The following PDLIM1 variants were observed in gnomAD, a reference collection of about 807,000 sequenced individuals.
The protein encoded by PDLIM1 is PDZ and LIM domain 1.
Under a neutral mutation model 35.2 loss-of-function variants are expected in PDLIM1, and 25 were observed. The ratio of observed to expected loss-of-function variants is 0.71; its 90% CI spans 0.52 to 0.99. The LOEUF is 0.99. PDLIM1 is among the 50% of genes least tolerant of loss of function. PDLIM1 has a pLI of 0.00. For missense variants in PDLIM1, 363 were observed against 415.3 expected, an observed-to-expected ratio of 0.87 and a Z score of 1.09; for synonymous variants, 152 against 154.0, an observed-to-expected ratio of 0.99 and a Z score of 0.10.
chr10:95,240,283 C>T (rs995007002), intron 5 of PDLIM1, among the ~76,000 whole-genome samples: 4 of 152,160 alleles, frequency 2.6e-5, no homozygotes, highest in Non-Finnish European at 4.4e-5. Context: ...AAATGTGGTA[C>T]GTATACACCA....
chr10:95,280,638 A>C (rs949677345), intron 1 of PDLIM1, among the ~76,000 whole-genome samples: 4 of 152,222 alleles, frequency 2.6e-5, no homozygotes, highest in African/African-American at 9.6e-5. Context: ...GTTTTAACCA[A>C]ATATTTGTCA....
intron 5 of PDLIM1, among the ~76,000 whole-genome samples, chr10:95,242,165 A>AG: frequency 6.6e-6 from 1 of 152,208 alleles, no homozygotes; most frequent in South Asian, 2.1e-4. Flanking sequence ...GGGAAGACTC[A>AG]GTTCTGCCCC....
intron 2 of PDLIM1, among the ~76,000 whole-genome samples, chr10:95,269,477 C>G (rs965706426): frequency 6.7e-6 from 1 of 150,176 alleles, no homozygotes; most frequent in African/African-American, 2.5e-5. Context: ...GAGGCTGAGG[C>G]AGGAGACTTG....
chr10:95,262,126 G>C (rs1320682662), intron 4 of PDLIM1, among the ~76,000 whole-genome samples: 1 of 152,104 alleles, frequency 6.6e-6, no homozygotes, highest in African/African-American at 2.4e-5. Flanking sequence ...GGGAGGGGAG[G>C]GGTGACTATA....
intron 2 of PDLIM1, among the ~76,000 whole-genome samples, chr10:95,270,670 T>C (rs1469273574): frequency 6.6e-6 from 1 of 152,208 alleles, no homozygotes; most frequent in Non-Finnish European, 1.5e-5. Context: ...CTGCTGCTAA[T>C]GTGTTCAAGT....
chr10:95,261,567 G>A (rs2035362339), intron 4 of PDLIM1, among the ~76,000 whole-genome samples: 1 of 152,178 alleles, frequency 6.6e-6, no homozygotes, highest in Non-Finnish European at 1.5e-5. Context: ...GTAAGCCCTT[G>A]CAAGAACCAG....
At chr10:95,248,746 T>G (rs1478720639) in intron 4 of PDLIM1, among the ~76,000 whole-genome samples, 1 of 152,210 alleles carries the variant, frequency 6.6e-6, no homozygotes, top group Non-Finnish European at 1.5e-5. Flanking sequence ...ACACATCCCC[T>G]GCCAGCCCTG....
At chr10:95,286,811 C>T (rs2035605581) in intron 1 of PDLIM1, among the ~76,000 whole-genome samples, 1 of 152,224 alleles carries the variant, frequency 6.6e-6, no homozygotes, top group African/African-American at 2.4e-5. Context: ...TGCTAGCTTT[C>T]CTCTCCTCTG....
intron 5 of PDLIM1, among the ~76,000 whole-genome samples, chr10:95,245,576 C>A (rs1472828610): frequency 6.6e-6 from 1 of 152,144 alleles, no homozygotes; most frequent in Non-Finnish European, 1.5e-5. Flanking sequence ...TGGTTTCTCA[C>A]ATGTTTTTAC....
rs1401258146 is a variant in PDLIM1, at chr10:95,290,951, G to T, written c.-36C>A. ...TGGCGGGCGACGACCCGCGGGGACA[G>T]ACGGGCAGGACGCGCGGAACAGCTT... On this transcript the variant is annotated 5_prime_UTR_variant, in exon 1 of 7. It adds an upstream start codon to the 5' untranslated region. Transcript: ENST00000329399. This position sits in a 1 kb window ranked among gnomAD's most constrained non-coding sequence, Gnocchi z 4.7. 9 of 1,343,390 alleles carry T rather than the reference G, an allele frequency of 6.7e-6. No homozygotes were observed. The highest frequency in any genetic ancestry group is 9.2e-6 in the Non-Finnish European group (9 of 974,554). The allele number at this position is 1,343,390 out of a possible 1,614,324, so 83.2% of individuals were successfully genotyped here. A position where few individuals can be genotyped will look rare whatever the true frequency, so the allele number is the denominator to read the frequency against.
At chr10:95,276,407 C>A (rs2035511905) in intron 1 of PDLIM1, among the ~76,000 whole-genome samples, 1 of 152,164 alleles carries the variant, frequency 6.6e-6, no homozygotes, top group Non-Finnish European at 1.5e-5. Context: ...ACAGGACAGT[C>A]ACTCCCCTGC....
chr10:95,280,464 G>A (rs1205883808), intron 1 of PDLIM1, among the ~76,000 whole-genome samples: 1 of 152,182 alleles, frequency 6.6e-6, no homozygotes, highest in Non-Finnish European at 1.5e-5. Context: ...CAGTTTAAAA[G>A]TTATGGAAAG....
chr10:95,261,300 C>T (rs1217858274), intron 4 of PDLIM1, among the ~76,000 whole-genome samples: 1 of 152,198 alleles, frequency 6.6e-6, no homozygotes, highest in Non-Finnish European at 1.5e-5. Flanking sequence ...TGTGTCATTT[C>T]CTGGGTTACT....
At position 95,274,324 on chromosome 10, in the gene PDLIM1, G is replaced by A. The variant is rs1248090772; in HGVS notation, c.97-2540C>T. Among the ~76,000 whole-genome samples, 18 of 125,076 alleles carry A rather than the reference G, an allele frequency of 1.4e-4. No homozygotes were observed. In the Admixed American group the frequency reaches 1.7e-3, roughly 12 times the overall value. The allele number at this position is 125,076 out of a possible 152,430, so 82.1% of individuals were successfully genotyped here. A position where few individuals can be genotyped will look rare whatever the true frequency, so the allele number is the denominator to read the frequency against. On this transcript the variant is annotated intron_variant, in intron 1 of 6. Transcript: ENST00000329399. ...TTTTTTTTTTTTGAGACGGAGTTTC[G>A]CTCTTGTTGACCAGGTTGGTGTACA...
At chr10:95,267,941 A>T (rs1028183345) in intron 3 of PDLIM1, among the ~76,000 whole-genome samples, 2 of 152,222 alleles carry the variant, frequency 1.3e-5, no homozygotes, top group Non-Finnish European at 2.9e-5. Context: ...TTACTAATTC[A>T]TTAATGTATC....
intron 2 of PDLIM1, among the ~76,000 whole-genome samples, chr10:95,269,632 A>G (rs183535063): frequency 7.6e-4 from 114 of 150,962 alleles, no homozygotes; most frequent in African/African-American, 2.6e-3. Flanking sequence ...TTTTCTTTGT[A>G]CCAACCACAG....
rs45604834 is a variant in PDLIM1 at position 95,274,164 on chromosome 10, C to G, written c.97-2380G>C. ...CCACTGGGCTCCAGCTACAGGGCCT[C>G]AGGACTTTCACACCTGCCTTTACCT... On this transcript the variant is annotated intron_variant, in intron 1 of 6. Coordinates refer to ENST00000329399, the MANE Select transcript of PDLIM1 (RefSeq NM_020992.4). Among the ~76,000 whole-genome samples, 1,336 of 152,242 alleles carry G rather than the reference C, an allele frequency of 8.8e-3. 26 individuals are homozygous for G. The highest frequency in any genetic ancestry group is 0.031 in the African/African-American group (1,274 of 41,536).
At chr10:95,258,731 A>T (rs1752510226) in intron 4 of PDLIM1, among the ~76,000 whole-genome samples, 1 of 152,204 alleles carries the variant, frequency 6.6e-6, no homozygotes, top group Admixed American at 6.5e-5. Context: ...AGGATAAAAA[A>T]GTTCTAGAGA....
rs1337082679 is a variant in PDLIM1, at chr10:95,237,715, C to T, written c.*210G>A. The T allele has an allele frequency of 3.6e-6, 2 of 555,242 alleles. No individual in the cohort carries two copies. Among genetic ancestry groups the T allele is most frequent in the Admixed American group, 6.3e-5 (2 of 31,740 alleles). 34.4% of individuals were successfully genotyped at this position (555,242 alleles called of 1,614,324 possible). A position where few individuals can be genotyped will look rare whatever the true frequency, so the allele number is the denominator to read the frequency against. On this transcript the variant is annotated 3_prime_UTR_variant, in exon 7 of 7. Coordinates refer to ENST00000329399, the MANE Select transcript of PDLIM1 (RefSeq NM_020992.4). ...ACACAGTGTTGCTGACAAGGTGACA[C>T]TGAACAAAACAGTTTTCCTTTAATT...
Sources: allele counts gnomAD v4.1 joint callset (sites outside exome capture counted in the v4.1 genomes callset), GRCh38; gene constraint gnomAD v4.1.1; non-coding constraint Gnocchi (gnomAD v3.1); transcripts MANE v1.5; gene names NCBI Gene and HGNC (gene_info 2026-07-23, HGNC 2026-07-21).